Variants in SMG6 observed in about 807,000 individuals in gnomAD.
SMG6 encodes telomerase-binding protein EST1A.
SMG6 carries 66 observed loss-of-function variants against 142.2 expected under a neutral mutation model. That is an observed-to-expected ratio of 0.46 (90% CI 0.38 to 0.57). The LOEUF (loss-of-function observed/expected upper bound fraction) is 0.57, where lower values mean the gene tolerates loss of function less well. SMG6 is among the 20% of genes least tolerant of loss of function. The pLI is 0.00. For missense variants in SMG6, 1,793 were observed against 1,832.0 expected, an observed-to-expected ratio of 0.98 and a Z score of 0.39; for synonymous variants, 779 against 702.4, an observed-to-expected ratio of 1.11 and a Z score of -1.72.
At chr17:2,117,105 T>TC (rs1341266820) in intron 13 of SMG6, among the ~76,000 whole-genome samples, 1 of 151,826 alleles carries the variant, frequency 6.6e-6, no homozygotes, top group Non-Finnish European at 1.5e-5. Flanking sequence ...AAATTTTTTT[T>TC]TTTTTTTGAG....
At position 2,282,872 on chromosome 17, in the gene SMG6, C is replaced by G; in HGVS notation, c.2449-13G>C. On this transcript the variant is annotated splice_polypyrimidine_tract_variant and intron_variant, in intron 7 of 18. Transcript: ENST00000263073. ...CCATCTGTTCTGCCTATATAACATA[C>G]AAACACATTAGCTCATGGCCTGGTG... 2 of 1,613,516 alleles carry G rather than the reference C, an allele frequency of 1.2e-6. No individual in the cohort carries two copies. The highest frequency in any genetic ancestry group is 1.1e-5 in the South Asian group (1 of 91,068).
At chr17:2,201,985 C>A (rs947860396) in intron 10 of SMG6, among the ~76,000 whole-genome samples, 1 of 151,994 alleles carries the variant, frequency 6.6e-6, no homozygotes, top group Admixed American at 6.6e-5. Context: ...GATCATGCCG[C>A]TGCACTCCAG....
intron 4 of SMG6, among the ~76,000 whole-genome samples, chr17:2,296,717 G>C (rs1307614212): frequency 6.6e-6 from 1 of 152,222 alleles, no homozygotes; most frequent in Non-Finnish European, 1.5e-5. Flanking sequence ...GGACTGGCCA[G>C]GCCCGGTGGC....
At position 2,298,477 on chromosome 17, in the gene SMG6, T is replaced by C. The variant is rs1446075290; in HGVS notation, c.1848-422A>G. Reference sequence around the variant, plus strand: ...GCTCATGCCTGTAATCCCAGCACTTTGGGAGGCCGAGGCAGGCGGATCACG... The same window carrying C: ...GCTCATGCCTGTAATCCCAGCACTTCGGGAGGCCGAGGCAGGCGGATCACG... On this transcript the variant is annotated intron_variant, in intron 2 of 18. Transcript: ENST00000263073. Among the ~76,000 whole-genome samples the C allele has an allele frequency of 4.6e-5, 7 of 152,186 alleles. No individual in the cohort carries two copies. The South Asian group carries it at 1.0e-3, about 23-fold the overall frequency.
chr17:2,275,386 C>A lies in SMG6; in HGVS notation c.2661+7261G>T, dbSNP rs961528772. On this transcript the variant is annotated intron_variant, in intron 8 of 18. Transcript: ENST00000263073. ...GCAGTGAGCTGAGATCACGCCGCTG[C>A]ACTCCAGCCTGGGAGACAGAGCGAG... Among the ~76,000 whole-genome samples, 3 of 152,328 alleles carry A rather than the reference C, an allele frequency of 2.0e-5. No homozygotes were observed. In the South Asian group the frequency reaches 6.2e-4, roughly 32 times the overall value.
At chr17:2,096,517 A>AT (rs758041090) in intron 13 of SMG6, among the ~76,000 whole-genome samples, 25 of 149,798 alleles carry the variant, frequency 1.7e-4, no homozygotes, top group East Asian at 3.9e-4. Context: ...CTAATGGCTA[A>AT]TTTTTTTTTT....
chr17:2,082,048 AC>A, intron 14 of SMG6, 92 bp from the exon 15 acceptor site: 1 of 1,351,274 alleles, frequency 7.4e-7, no homozygotes, highest in African/African-American at 1.4e-5. Context: ...GTGGCCCCTC[AC>A]CCACGCAGAC....
intron 10 of SMG6, among the ~76,000 whole-genome samples, chr17:2,198,466 C>T (rs567234290): frequency 1.3e-5 from 2 of 152,052 alleles, no homozygotes; most frequent in East Asian, 3.9e-4. Flanking sequence ...TGCACAGAAC[C>T]CCACACACAC....
intron 16 of SMG6, 111 bp from the exon 17 acceptor site, chr17:2,065,790 C>T (rs577189929): frequency 5.6e-6 from 5 of 895,366 alleles, no homozygotes; most frequent in Admixed American, 2.2e-5. Context: ...ATCCATCCTT[C>T]CCCCACAGGA....
At chr17:2,212,350 C>T (rs2072889629) in intron 10 of SMG6, among the ~76,000 whole-genome samples, 1 of 152,106 alleles carries the variant, frequency 6.6e-6, no homozygotes, top group South Asian at 2.1e-4. Flanking sequence ...GAAAGGGGAT[C>T]TGGGCAGAGA....
At chr17:2,212,080 G>A (rs2151748440) in intron 10 of SMG6, among the ~76,000 whole-genome samples, 1 of 152,326 alleles carries the variant, frequency 6.6e-6, no homozygotes, top group African/African-American at 2.4e-5. Flanking sequence ...TTTAATGCCA[G>A]CGTGTCTGTT....
chr17:2,259,611 T>C (rs2151330615), intron 8 of SMG6, among the ~76,000 whole-genome samples: 1 of 143,650 alleles, frequency 7.0e-6, no homozygotes, highest in South Asian at 2.2e-4. Context: ...AGGTTGAGGC[T>C]GCAGTGAGCC....
chr17:2,239,771 A>T (rs2073756273), intron 9 of SMG6, among the ~76,000 whole-genome samples: 1 of 152,244 alleles, frequency 6.6e-6, no homozygotes, highest in African/African-American at 2.4e-5. Flanking sequence ...GTATTTAAGA[A>T]CATCTGTTAA....
chr17:2,206,907 G>A (rs1178957219), intron 10 of SMG6, among the ~76,000 whole-genome samples: 1 of 150,710 alleles, frequency 6.6e-6, no homozygotes, highest in African/African-American at 2.4e-5. Flanking sequence ...TAATAATAAC[G>A]ATAATGATAA....
chr17:2,291,186 C>T (rs2075025075), intron 6 of SMG6, among the ~76,000 whole-genome samples: 1 of 152,058 alleles, frequency 6.6e-6, no homozygotes, highest in Admixed American at 6.6e-5. Context: ...AAAAAACTAG[C>T]CGGGCGTGGT....
chr17:2,152,781 A>G (rs1003052062), intron 13 of SMG6, among the ~76,000 whole-genome samples: 1 of 152,242 alleles, frequency 6.6e-6, no homozygotes, highest in African/African-American at 2.4e-5. Context: ...GAAGTTAAAC[A>G]TACTCTTATC....
chr17:2,242,622 G>A (rs140547490), intron 9 of SMG6, among the ~76,000 whole-genome samples: 19 of 145,324 alleles, frequency 1.3e-4, no homozygotes, highest in Non-Finnish European at 2.2e-4. Context: ...GCTATAGTGC[G>A]GTATGATCAC....
chr17:2,252,318 T>C (rs2074064799), intron 8 of SMG6, among the ~76,000 whole-genome samples: 1 of 151,694 alleles, frequency 6.6e-6, no homozygotes, highest in African/African-American at 2.4e-5. Context: ...GAGAATTGCT[T>C]GAACCTGGGA....
At chr17:2,282,240 T>C (rs896405496) in intron 8 of SMG6, among the ~76,000 whole-genome samples, 2 of 151,994 alleles carry the variant, frequency 1.3e-5, no homozygotes, top group South Asian at 2.1e-4. Flanking sequence ...GGATATCCCA[T>C]AGAAAGCCCA....
Sources: gnomAD v4.1 joint callset for allele counts (sites outside exome capture counted in the v4.1 genomes callset) on GRCh38, gnomAD v4.1.1 for gene constraint, MANE v1.5 for transcripts, NCBI Gene and HGNC (gene_info 2026-07-23, HGNC 2026-07-21) for gene names.